The following ADAMTSL1 variants were observed in gnomAD, a reference collection of about 807,000 sequenced individuals.
The protein encoded by ADAMTSL1 is ADAMTS like 1.
In ADAMTSL1, 126 loss-of-function variants were observed where a neutral mutation model predicts 201.8. That is an observed-to-expected ratio of 0.62 (90% CI 0.54 to 0.72). The LOEUF (loss-of-function observed/expected upper bound fraction) is 0.72. ADAMTSL1 is among the 30% of genes least tolerant of loss of function. ADAMTSL1 has a pLI of 0.00. For missense variants in ADAMTSL1, 2,679 were observed against 2,277.8 expected, an observed-to-expected ratio of 1.18 and a Z score of -3.59; for synonymous variants, 1,121 against 903.4, an observed-to-expected ratio of 1.24 and a Z score of -4.32.
Position 18,111,957 on chromosome 9 carries a change from A to G in ADAMTSL1, c.88-51905A>G, listed in dbSNP as rs117496002. Among the ~76,000 whole-genome samples the G allele has an allele frequency of 8.4e-3, 1,272 of 152,274 alleles. 9 individuals carry two copies. Among genetic ancestry groups the G allele is most frequent in the Non-Finnish European group, 0.014 (923 of 68,014 alleles). On this transcript the variant is annotated intron_variant, in intron 1 of 29. Coordinates refer to the ADAMTSL1 transcript ENST00000680146. ...TCTAATGGTAAGTTTTATATGTGATAATTCACTAAGAAAACAGTTTCCCAA... is the reference window on the plus strand; with the variant it reads ...TCTAATGGTAAGTTTTATATGTGATGATTCACTAAGAAAACAGTTTCCCAA...
chr9:18,661,852 G>C, intron 8 of ADAMTSL1, 83 bp from the exon 9 acceptor site: 1 of 1,400,342 alleles, frequency 7.1e-7, no homozygotes, highest in Non-Finnish European at 9.6e-7. Flanking sequence ...AATTTCCATT[G>C]ATGTGAGCTG....
At chr9:18,484,111 C>T (rs1002310871) in intron 1 of ADAMTSL1, among the ~76,000 whole-genome samples, 1 of 152,176 alleles carries the variant, frequency 6.6e-6, no homozygotes, top group Non-Finnish European at 1.5e-5. Context: ...ATAGCATCTT[C>T]ATTGAGAGCC....
intron 13 of ADAMTSL1, among the ~76,000 whole-genome samples, chr9:18,701,735 T>C (rs765166338): frequency 3.3e-5 from 5 of 152,198 alleles, no homozygotes; most frequent in Non-Finnish European, 4.4e-5. Flanking sequence ...TGTTTCAATT[T>C]GCATTTTTAA....
At chr9:18,890,523 A>ATACT (rs988470181) in intron 25 of ADAMTSL1, 1 of 455,898 alleles carries the variant, frequency 2.2e-6, no homozygotes, top group African/African-American at 2.0e-5. Context: ...CTTTCATACA[A>ATACT]TACTTAGGCA....
chr9:17,916,085 A>C (rs979935097), intron 1 of ADAMTSL1, among the ~76,000 whole-genome samples: 9 of 152,132 alleles, frequency 5.9e-5, no homozygotes, highest in African/African-American at 2.2e-4. Context: ...ATGCACAGCT[A>C]ATTTTTTTGT....
At chr9:18,900,007 T>A (rs1829908559) in intron 26 of ADAMTSL1, among the ~76,000 whole-genome samples, 1 of 152,080 alleles carries the variant, frequency 6.6e-6, no homozygotes, top group Admixed American at 6.6e-5. Context: ...ACAGACAACC[T>A]ACAGAATAGG....
intron 14 of ADAMTSL1, among the ~76,000 whole-genome samples, chr9:18,710,678 T>G (rs960571591): frequency 1.3e-5 from 2 of 148,720 alleles, no homozygotes; most frequent in African/African-American, 4.9e-5. Flanking sequence ...TTTGTTTTTT[T>G]TTTTTTTTTT....
At chr9:18,874,382 C>T (rs1828022728) in intron 23 of ADAMTSL1, among the ~76,000 whole-genome samples, 2 of 151,952 alleles carry the variant, frequency 1.3e-5, no homozygotes, top group African/African-American at 2.4e-5. Context: ...TTCTGGTTCT[C>T]AGGGAGAACT....
At chr9:18,360,051 A>G (rs892495986) in intron 2 of ADAMTSL1, among the ~76,000 whole-genome samples, 2 of 152,074 alleles carry the variant, frequency 1.3e-5, no homozygotes, top group African/African-American at 2.4e-5. Context: ...TTAGTGCTCA[A>G]TATATAGTAA....
upstream of ADAMTSL1, chr9:18,474,026 G>T: frequency 1.9e-6 from 1 of 515,734 alleles, no homozygotes; most frequent in Non-Finnish European, 3.4e-6. Context: ...AGCCTGATTG[G>T]CTGGCTGCCT....
rs527778028 is a variant in ADAMTSL1 at position 17,955,036 on chromosome 9, A to T, written c.87+48114A>T. Reference sequence around the variant, plus strand: ...ATGTGGCCCCAGTTAAAAATAATGAAGAATGAGGTAAATGTACACATACAC... The same window carrying T: ...ATGTGGCCCCAGTTAAAAATAATGATGAATGAGGTAAATGTACACATACAC... On this transcript the variant is annotated intron_variant, in intron 1 of 29. Transcript: ENST00000680146. Among the ~76,000 whole-genome samples, 100 of 152,288 alleles carry T rather than the reference A, an allele frequency of 6.6e-4. 2 individuals carry two copies. In the Middle Eastern group the frequency reaches 0.014, roughly 21 times the overall value.
At chr9:18,358,664 AAT>A (rs1474092747) in intron 2 of ADAMTSL1, among the ~76,000 whole-genome samples, 1 of 152,156 alleles carries the variant, frequency 6.6e-6, no homozygotes, top group Non-Finnish European at 1.5e-5. Context: ...AATTTAACAC[AAT>A]GTTTTAAAGC....
At chr9:18,671,173 G>A (rs2133092975) in intron 9 of ADAMTSL1, among the ~76,000 whole-genome samples, 1 of 152,230 alleles carries the variant, frequency 6.6e-6, no homozygotes, top group East Asian at 1.9e-4. Flanking sequence ...GATATAAAGG[G>A]CCAATAGTAC....
At chr9:18,720,969 C>A (rs529290450) in intron 14 of ADAMTSL1, among the ~76,000 whole-genome samples, 23 of 152,194 alleles carry the variant, frequency 1.5e-4, no homozygotes, top group Non-Finnish European at 2.4e-4. Context: ...TATTCTCCTT[C>A]TTTGTTCCAA....
intron 15 of ADAMTSL1, among the ~76,000 whole-genome samples, chr9:18,747,669 CGATATAAATGT>C (rs1471299317): frequency 1.3e-5 from 2 of 152,034 alleles, no homozygotes; most frequent in East Asian, 3.9e-4. Context: ...CATTTAAGTA[CGATATAAATGT>C]TAGTATTACT....
intron 2 of ADAMTSL1, among the ~76,000 whole-genome samples, chr9:18,507,225 C>G (rs1205295790): frequency 6.6e-6 from 1 of 152,152 alleles, no homozygotes; most frequent in East Asian, 1.9e-4. Context: ...ATCTGAGATT[C>G]TAGTGGGATT....
chr9:18,368,929 T>G (rs1836910186), intron 2 of ADAMTSL1, among the ~76,000 whole-genome samples: 1 of 152,208 alleles, frequency 6.6e-6, no homozygotes, highest in African/African-American at 2.4e-5. Flanking sequence ...TGGTTCAAAC[T>G]GATATGTGTT....
At chr9:17,908,646 C>G (rs1414862346) in intron 1 of ADAMTSL1, among the ~76,000 whole-genome samples, 1 of 152,148 alleles carries the variant, frequency 6.6e-6, no homozygotes, top group East Asian at 1.9e-4. Flanking sequence ...TTAGTAGAGA[C>G]GGGTTTTCAC....
intron 20 of ADAMTSL1, among the ~76,000 whole-genome samples, chr9:18,812,089 A>C (rs559893168): frequency 2.0e-5 from 3 of 152,366 alleles, no homozygotes; most frequent in South Asian, 4.1e-4. Context: ...ATACATGTAG[A>C]GAAGATTATT....
Sources: gnomAD v4.1 joint callset for allele counts (sites outside exome capture counted in the v4.1 genomes callset) on GRCh38, gnomAD v4.1.1 for gene constraint, MANE v1.5 for transcripts, NCBI Gene and HGNC (gene_info 2026-07-23, HGNC 2026-07-21) for gene names.